Variants in SDK1 observed in about 807,000 individuals in gnomAD.
The protein encoded by SDK1 is protein sidekick-1.
In SDK1, 157 loss-of-function variants were observed where a neutral mutation model predicts 245.5. The ratio of observed to expected loss-of-function variants is 0.64; its 90% CI spans 0.56 to 0.73. SDK1 has a LOEUF of 0.73. Ranked by LOEUF, SDK1 falls within the 30% of genes least tolerant of loss-of-function variation. The pLI is 0.00. For missense variants in SDK1, 3,583 were observed against 3,002.3 expected (o/e 1.19, Z -4.52); for synonymous variants, 1,647 against 1,278.5 (o/e 1.29, Z -6.15).
chr7:4,040,781 G>A (rs1382786466), intron 17 of SDK1, among the ~76,000 whole-genome samples: 1 of 152,108 alleles, frequency 6.6e-6, no homozygotes. Context: ...TATCTCCCCC[G>A]CTGGTGCCTT....
At chr7:4,186,991 G>A (rs1004325458) in intron 35 of SDK1, among the ~76,000 whole-genome samples, 4 of 152,204 alleles carry the variant, frequency 2.6e-5, no homozygotes, top group African/African-American at 9.6e-5. Flanking sequence ...AGGGGCTCCA[G>A]CATGTCTACC....
At chr7:3,596,255 A>G (rs1781058962) in intron 1 of SDK1, among the ~76,000 whole-genome samples, 1 of 152,150 alleles carries the variant, frequency 6.6e-6, no homozygotes, top group Admixed American at 6.5e-5. Flanking sequence ...TGAGAGTTAA[A>G]CAGTAATAGG....
At chr7:3,734,844 A>AT (rs1562404920) in intron 4 of SDK1, among the ~76,000 whole-genome samples, 1 of 152,112 alleles carries the variant, frequency 6.6e-6, no homozygotes, top group East Asian at 1.9e-4. Flanking sequence ...TTCTTTGGCA[A>AT]TTTTTTTCAT....
intron 4 of SDK1, among the ~76,000 whole-genome samples, chr7:3,803,351 C>T (rs1779155347): frequency 6.6e-6 from 1 of 150,940 alleles, no homozygotes; most frequent in African/African-American, 2.4e-5. Flanking sequence ...TACTCTATCA[C>T]CTAGGCTGGA....
At chr7:3,906,076 C>T (rs149677726) in intron 5 of SDK1, among the ~76,000 whole-genome samples, 1 of 152,270 alleles carries the variant, frequency 6.6e-6, no homozygotes, top group East Asian at 1.9e-4. Flanking sequence ...CTCTTTGCTA[C>T]ATTCTGGAAA....
At chr7:3,860,515 T>C (rs1780665130) in intron 5 of SDK1, among the ~76,000 whole-genome samples, 1 of 152,226 alleles carries the variant, frequency 6.6e-6, no homozygotes, top group Admixed American at 6.5e-5. Context: ...TATCAAGTGT[T>C]GAGCAGGGTA....
At chr7:3,672,187 A>C (rs553077390) in intron 4 of SDK1, among the ~76,000 whole-genome samples, 71 of 152,002 alleles carry the variant, frequency 4.7e-4, no homozygotes, top group Admixed American at 7.9e-4. Context: ...GGGCAGGGAG[A>C]ATTGTAGGGA....
At chr7:3,407,187 C>G (rs17133277) in intron 1 of SDK1, among the ~76,000 whole-genome samples, 24,555 of 152,234 alleles carry the variant, frequency 0.16, 3,204 homozygotes, top group African/African-American at 0.36. Flanking sequence ...TTTCCTGCTT[C>G]GTTCACAACC....
At chr7:3,915,395 C>T (rs372970417) in intron 5 of SDK1, among the ~76,000 whole-genome samples, 18 of 152,228 alleles carry the variant, frequency 1.2e-4, no homozygotes, top group African/African-American at 3.9e-4. Flanking sequence ...GGGAGGGACC[C>T]GTGGGGAGGT....
chr7:3,901,829 C>G, intron 5 of SDK1, among the ~76,000 whole-genome samples: 1 of 152,182 alleles, frequency 6.6e-6, no homozygotes. Flanking sequence ...TTCACATTTC[C>G]ATTCCTTTTT....
chr7:3,346,801 G>GTA, intron 1 of SDK1, among the ~76,000 whole-genome samples: 2 of 57,718 alleles, frequency 3.5e-5, no homozygotes, highest in African/African-American at 1.7e-4. Context: ...ATGTGTGTGT[G>GTA]TGTGTGTATA....
At chr7:3,777,698 A>G (rs777360516) in intron 4 of SDK1, among the ~76,000 whole-genome samples, 5 of 152,176 alleles carry the variant, frequency 3.3e-5, no homozygotes, top group Non-Finnish European at 7.3e-5. Context: ...AAAACTTCCC[A>G]TGCCACACCA....
At chr7:3,657,269 C>T (rs1241886165) in intron 4 of SDK1, among the ~76,000 whole-genome samples, 1 of 152,146 alleles carries the variant, frequency 6.6e-6, no homozygotes, top group African/African-American at 2.4e-5. Context: ...CAGGGCAAAA[C>T]ATGCTAAACA....
chr7:4,209,788 C>T (rs1284308145), intron 37 of SDK1, among the ~76,000 whole-genome samples: 2 of 152,174 alleles, frequency 1.3e-5, no homozygotes, highest in Non-Finnish European at 1.5e-5. Context: ...TCTCAAGCCC[C>T]TTTGTGTTTA....
chr7:3,746,254 CTTTAT>C (rs1472364587), intron 4 of SDK1, among the ~76,000 whole-genome samples: 1 of 152,178 alleles, frequency 6.6e-6, no homozygotes, highest in East Asian at 1.9e-4. Context: ...TTCAAAAATA[CTTTAT>C]TTTAAAATAT....
intron 4 of SDK1, among the ~76,000 whole-genome samples, chr7:3,696,142 C>A (rs193064122): frequency 6.6e-6 from 1 of 152,146 alleles, no homozygotes; most frequent in Non-Finnish European, 1.5e-5. Context: ...GCTCCCATGT[C>A]TTTAACTTCC....
chr7:3,449,656 A>G (rs1780451678), intron 1 of SDK1, among the ~76,000 whole-genome samples: 1 of 152,256 alleles, frequency 6.6e-6, no homozygotes, highest in South Asian at 2.1e-4. Context: ...AATAACATGC[A>G]GCTATTAAAT....
chr7:3,999,406 C>T (rs55813665), intron 14 of SDK1, among the ~76,000 whole-genome samples: 19,156 of 152,166 alleles, frequency 0.13, 1,559 homozygotes, highest in African/African-American at 0.23. Context: ...TACGAGGGGG[C>T]GTCGGGTAGT....
intron 1 of SDK1, among the ~76,000 whole-genome samples, chr7:3,493,596 A>G (rs1254882936): frequency 6.6e-6 from 1 of 152,228 alleles, no homozygotes; most frequent in Non-Finnish European, 1.5e-5. Context: ...TTATTTAACT[A>G]AAGGAAAGCA....
Sources: gnomAD v4.1 joint callset for allele counts (sites outside exome capture counted in the v4.1 genomes callset) on GRCh38, gnomAD v4.1.1 for gene constraint, MANE v1.5 for transcripts, NCBI Gene and HGNC (gene_info 2026-07-23, HGNC 2026-07-21) for gene names.